The following HAUS6 variants were observed in gnomAD, a reference collection of about 807,000 sequenced individuals.
The protein encoded by HAUS6 is HAUS augmin like complex subunit 6, also known as HAUS augmin-like complex subunit 6.
Under a neutral mutation model 106.8 loss-of-function variants are expected in HAUS6, and 80 were observed. The ratio of observed to expected loss-of-function variants is 0.75; its 90% CI spans 0.63 to 0.90. The LOEUF (loss-of-function observed/expected upper bound fraction) is 0.90. Among genes scored for constraint, HAUS6 ranks in the 40% least tolerant of loss-of-function variants. HAUS6 has a pLI of 0.00. For missense variants in HAUS6, 1,155 were observed against 1,118.1 expected (o/e 1.03, Z -0.47); for synonymous variants, 356 against 379.1 (o/e 0.94, Z 0.71).
chr9:19,102,757 T>C lies in HAUS6; in HGVS notation c.-106A>G, dbSNP rs1818019775. 2.7e-6 allele frequency: 3 copies of C among 1,107,438 alleles called. No homozygotes were observed. Among genetic ancestry groups the C allele is most frequent in the East Asian group, 5.2e-5 (2 of 38,524 alleles). The allele number at this position is 1,107,438 out of a possible 1,614,324, so 68.6% of individuals were successfully genotyped here. On this transcript the variant is annotated 5_prime_UTR_variant, in exon 1 of 17. Transcript: ENST00000380502. ...GGTCAGCCTGAGGTCGCGGTGGTCC[T>C]TCCATTGCCAACGCCTGCTCCTTTC...
rs560643323 is a variant in HAUS6 at position 19,088,796 on chromosome 9, T to C, written c.584+616A>G. Among the ~76,000 whole-genome samples the C allele has an allele frequency of 7.3e-5, 11 of 150,402 alleles. 1 individual carries two copies. The South Asian group carries it at 2.3e-3, about 31-fold the overall frequency. Reference sequence around the variant, plus strand: ...AGGAGCCTGAGGCAGGAGAATCGTTTGAACCCAGAAGGTGGAGGTTGCAGT... The same window carrying C: ...AGGAGCCTGAGGCAGGAGAATCGTTCGAACCCAGAAGGTGGAGGTTGCAGT... On this transcript the variant is annotated intron_variant, in intron 5 of 16. Coordinates refer to ENST00000380502, the MANE Select transcript of HAUS6 (RefSeq NM_017645.5).
intron 14 of HAUS6, among the ~76,000 whole-genome samples, chr9:19,061,487 T>C (rs1430054006): frequency 1.3e-5 from 2 of 152,140 alleles, no homozygotes; most frequent in Non-Finnish European, 2.9e-5. Context: ...ACTTTAGAGA[T>C]TTAAAAGTAC....
chr9:19,101,175 G>C (rs950393037), intron 1 of HAUS6, among the ~76,000 whole-genome samples: 5 of 152,170 alleles, frequency 3.3e-5, no homozygotes, highest in African/African-American at 1.2e-4. Context: ...CATTGTATAA[G>C]TGTATCAAAA....
rs376173731 is a variant in HAUS6 at position 19,062,534 on chromosome 9, G to A, written c.1629+474C>T. ...TTATATTAAATCTATTCTCACTTTT[G>A]AGGAAGACCAATTTTGCTTTAACCA... On this transcript the variant is annotated intron_variant, in intron 14 of 16. Coordinates refer to ENST00000380502, the MANE Select transcript of HAUS6 (RefSeq NM_017645.5). Among the ~76,000 whole-genome samples the A allele has an allele frequency of 1.5e-3, 228 of 152,238 alleles. 7 individuals are homozygous for A. In the South Asian group the frequency reaches 0.045, roughly 30 times the overall value.
At chr9:19,088,780 A>C (rs1407139628) in intron 5 of HAUS6, among the ~76,000 whole-genome samples, 2 of 151,678 alleles carry the variant, frequency 1.3e-5, no homozygotes, top group Non-Finnish European at 2.9e-5. Context: ...CAGGAGCCTG[A>C]GGCAGGAGAA....
Position 19,089,448 on chromosome 9 carries a change from T to C in HAUS6, c.548A>G (p.Gln183Arg), listed in dbSNP as rs1052935018. Residue 183 changes from glutamine (Q) to arginine (R), a missense_variant, in exon 5 of 17, where the codon CAA (glutamine) becomes CGA (arginine). By Grantham distance (43) the Gln-to-Arg change is conservative. Transcript: ENST00000380502. ...RSRFLQILQR[Q>R]DCVTQKYQEN... ...CTGATATTTTTGGGTAACACAATCT[T>C]GTCTTTGCAAAATTTGTAAAAATCT... The C allele has an allele frequency of 3.1e-6, 5 of 1,611,930 alleles. No individual in the cohort carries two copies. Among genetic ancestry groups the C allele is most frequent in the Middle Eastern group, 1.7e-4 (1 of 6,060 alleles).
chr9:19,056,835 A>C (rs966881674), intron 16 of HAUS6: 2 of 158,604 alleles, frequency 1.3e-5, no homozygotes, highest in African/African-American at 4.8e-5. Flanking sequence ...TCCTGGGTTC[A>C]AGTGATCCTC....
chr9:19,098,018 TCTATCCTA>T (rs1379685749), intron 1 of HAUS6, among the ~76,000 whole-genome samples: 1 of 152,230 alleles, frequency 6.6e-6, no homozygotes, highest in Admixed American at 6.5e-5. Flanking sequence ...TGAAGTTCCA[TCTATCCTA>T]CTTCCTTACC....
At chr9:19,059,287 G>A (rs558619326) in intron 15 of HAUS6, among the ~76,000 whole-genome samples, 1 of 152,270 alleles carries the variant, frequency 6.6e-6, no homozygotes, top group Admixed American at 6.5e-5. Context: ...ACCTTTTCTT[G>A]TCCATCTAAG....
At chr9:19,081,252 T>A (rs750111721) in intron 8 of HAUS6, among the ~76,000 whole-genome samples, 2 of 152,132 alleles carry the variant, frequency 1.3e-5, no homozygotes, top group African/African-American at 4.8e-5. Flanking sequence ...GAAATGTTAA[T>A]AGATGGAAAG....
At chr9:19,086,196 AC>A (rs1294140453) in intron 7 of HAUS6, among the ~76,000 whole-genome samples, 1 of 151,910 alleles carries the variant, frequency 6.6e-6, no homozygotes, top group Non-Finnish European at 1.5e-5. Context: ...CTGTAATCCC[AC>A]CTACTAGGGA....
Position 19,080,676 on chromosome 9 carries a change from A to G in HAUS6, c.871-4T>C. 5.7e-6 allele frequency: 9 copies of G among 1,565,870 alleles called. No homozygotes were observed. Among genetic ancestry groups the G allele is most frequent in the Non-Finnish European group, 7.9e-6 (9 of 1,145,844 alleles). ...CATAAACATTTCCTATGTGCAACTA[A>G]GGAATCAGGAGGAGAAAAAAATTGG... On this transcript the variant is annotated splice_region_variant and splice_polypyrimidine_tract_variant and intron_variant, in intron 8 of 16. Transcript: ENST00000380502.
chr9:19,073,059 G>A (rs1836913068), intron 11 of HAUS6, among the ~76,000 whole-genome samples: 1 of 152,052 alleles, frequency 6.6e-6, no homozygotes, highest in Admixed American at 6.6e-5. Context: ...CTATACATAT[G>A]TAATAAATTT....
intron 7 of HAUS6, among the ~76,000 whole-genome samples, chr9:19,084,222 G>C (rs528801055): frequency 6.6e-6 from 1 of 152,196 alleles, no homozygotes. Flanking sequence ...ACAACAGCAT[G>C]GATAAATATC....
In HAUS6 at chr9:19,080,406, A is replaced by C. The variant is rs1214735192; in HGVS notation, c.1064+73T>G. ...TGTTTGCCAAAGCTGAAGAGCTATT[A>C]AACTTATACAAGTTTTGTTGAGAAA... On this transcript the variant is annotated intron_variant, in intron 9 of 16. Coordinates refer to ENST00000380502, the MANE Select transcript of HAUS6 (RefSeq NM_017645.5). The C allele has an allele frequency of 3.5e-5, 32 of 910,028 alleles. No individual in the cohort carries two copies. In the Admixed American group the frequency reaches 6.3e-4, roughly 18 times the overall value. The allele number at this position is 910,028 out of a possible 1,614,324, so 56.4% of individuals were successfully genotyped here.
rs756624565 is a variant in HAUS6, at chr9:19,076,721, C to T, written c.1192-17G>A. The T allele has an allele frequency of 8.3e-7, 1 of 1,208,200 alleles. No individual in the cohort carries two copies. The highest frequency in any genetic ancestry group is 1.8e-5 in the Admixed American group (1 of 56,298). 74.8% of individuals were successfully genotyped at this position (1,208,200 alleles called of 1,614,324 possible). A position where few individuals can be genotyped will look rare whatever the true frequency, so the allele number is the denominator to read the frequency against. On this transcript the variant is annotated splice_polypyrimidine_tract_variant and intron_variant, in intron 10 of 16. Transcript: ENST00000380502. ...ATCTACAGACTTAAAACAGAAAATT[C>T]ACAATTTTGAAGTAAACATATTTGC...
chr9:19,088,581 A>C (rs1362621384), intron 5 of HAUS6, among the ~76,000 whole-genome samples: 2 of 151,898 alleles, frequency 1.3e-5, no homozygotes, highest in Non-Finnish European at 2.9e-5. Context: ...TTTTAAACTA[A>C]AGTGGGCCGG....
intron 11 of HAUS6, among the ~76,000 whole-genome samples, chr9:19,071,379 G>A (rs1198436199): frequency 6.6e-6 from 1 of 152,084 alleles, no homozygotes; most frequent in African/African-American, 2.4e-5. Context: ...AACAATAGGA[G>A]TTTCAGAAGG....
chr9:19,097,653 C>A (rs1817892562), intron 1 of HAUS6, among the ~76,000 whole-genome samples: 1 of 152,044 alleles, frequency 6.6e-6, no homozygotes, highest in Non-Finnish European at 1.5e-5. Flanking sequence ...TGTCACCTCA[C>A]CCTAGAGTCC....
Sources: gnomAD v4.1 joint callset for allele counts (sites outside exome capture counted in the v4.1 genomes callset) on GRCh38, gnomAD v4.1.1 for gene constraint, MANE v1.5 for transcripts, NCBI Gene and HGNC (gene_info 2026-07-23, HGNC 2026-07-21) for gene names.